The following ELP4 variants were observed in gnomAD, a reference collection of about 807,000 sequenced individuals.
The protein encoded by ELP4 is elongator acetyltransferase complex subunit 4.
ELP4 carries 51 observed loss-of-function variants against 48.9 expected under a neutral mutation model. The ratio of observed to expected loss-of-function variants is 1.04; its 90% CI spans 0.83 to 1.32. The LOEUF (loss-of-function observed/expected upper bound fraction) is 1.32, where lower values mean the gene tolerates loss of function less well. ELP4 is among the 40% of genes most tolerant of loss of function. ELP4 has a pLI of 0.00. For missense variants in ELP4, 519 were observed against 514.6 expected, an observed-to-expected ratio of 1.01 and a Z score of -0.08; for synonymous variants, 210 against 189.2, an observed-to-expected ratio of 1.11 and a Z score of -0.90.
At chr11:31,767,214 A>T (rs920408121) in intron 9 of ELP4, 4 of 152,196 alleles carry the variant, frequency 2.6e-5, no homozygotes, top group Admixed American at 6.5e-5. Flanking sequence ...GCCAAAAGGA[A>T]CATTCCCATT....
intron 9 of ELP4, among the ~76,000 whole-genome samples, chr11:31,679,072 A>G (rs1390381141): frequency 1.3e-5 from 2 of 152,056 alleles, no homozygotes; most frequent in Admixed American, 1.3e-4. Flanking sequence ...TTCTTTGGTG[A>G]GTTGTCTATG....
rs1948900896 is a variant in ELP4 at position 31,788,739 on chromosome 11, G to GATCT, written c.*5217_*5220dup. ...TATGTTGTGGGTATAAATGGGCACA[G>GATCT]ATCTACACCCTGCTGTAAGTGGAAT... On this transcript the variant is annotated 3_prime_UTR_variant, in exon 10 of 10. Transcript: ENST00000640961. 4.7e-6 allele frequency: 1 copy of GATCT among 212,282 alleles called. No individual in the cohort carries two copies. Among genetic ancestry groups the GATCT allele is most frequent in the South Asian group, 1.9e-4 (1 of 5,318 alleles). 13.1% of individuals were successfully genotyped at this position (212,282 alleles called of 1,614,324 possible).
At chr11:31,641,813 T>G (rs957971188) in intron 7 of ELP4, among the ~76,000 whole-genome samples, 3 of 151,894 alleles carry the variant, frequency 2.0e-5, no homozygotes, top group Non-Finnish European at 4.4e-5. Context: ...GGGATTATTC[T>G]AAGCTGATTT....
chr11:31,781,488 CTTTTTTTTTTTTTTTTT>C (rs141365629), intron 9 of ELP4, among the ~76,000 whole-genome samples: 4 of 67,436 alleles, frequency 5.9e-5, no homozygotes, highest in Non-Finnish European at 7.6e-5. Context: ...ATTCCTGAGC[CTTTTTTTTTTTTTTTTT>C]TTTTTTTTTT....
At chr11:31,559,597 A>G (rs775615640) in intron 3 of ELP4, among the ~76,000 whole-genome samples, 1 of 152,200 alleles carries the variant, frequency 6.6e-6, no homozygotes, top group Non-Finnish European at 1.5e-5. Context: ...TCAGTAATCA[A>G]AGAGTATAAA....
In ELP4 at chr11:31,682,695, C is replaced by T. The variant is rs567055182; in HGVS notation, c.1143+32474C>T. 1.1e-4 allele frequency among the ~76,000 whole-genome samples: 16 copies of T among 152,106 alleles called. No individual in the cohort carries two copies. In the South Asian group the frequency reaches 3.3e-3, roughly 32 times the overall value. On this transcript the variant is annotated intron_variant, in intron 9 of 9. Coordinates refer to ENST00000640961, the MANE Select transcript of ELP4 (RefSeq NM_019040.5). ...CTCCTACCCATAAAGAGCTCATAGT[C>T]TAGTAGAGAAAACTGACATATAAAC... is the stretch of plus-strand genomic sequence containing the variant.
chr11:31,588,721 G>A (rs749971179), intron 3 of ELP4, among the ~76,000 whole-genome samples: 7 of 152,122 alleles, frequency 4.6e-5, no homozygotes, highest in Admixed American at 6.5e-5. Flanking sequence ...AGTGGCTCAC[G>A]CCTATAATCC....
chr11:31,682,200 C>A, intron 9 of ELP4: 2 of 623,514 alleles, frequency 3.2e-6, no homozygotes. Flanking sequence ...GTACTTGATA[C>A]TGTACTTGAT....
intron 3 of ELP4, among the ~76,000 whole-genome samples, chr11:31,572,093 A>G (rs186212040): frequency 3.3e-4 from 50 of 152,326 alleles, no homozygotes; most frequent in Admixed American, 1.6e-3. Flanking sequence ...CCTAGACAAT[A>G]TCTTCTTCCA....
chr11:31,679,513 T>G (rs1305444723), intron 9 of ELP4, among the ~76,000 whole-genome samples: 1 of 152,206 alleles, frequency 6.6e-6, no homozygotes, highest in Non-Finnish European at 1.5e-5. Context: ...GTTTTCCCTC[T>G]GTGCTTGCAC....
At chr11:31,579,202 C>T (rs182587645) in intron 3 of ELP4, among the ~76,000 whole-genome samples, 2 of 152,278 alleles carry the variant, frequency 1.3e-5, no homozygotes, top group African/African-American at 4.8e-5. Context: ...CATCACTGGC[C>T]ATCAGAGAAA....
At chr11:31,698,497 A>G (rs112157620) in intron 9 of ELP4, among the ~76,000 whole-genome samples, 58 of 152,010 alleles carry the variant, frequency 3.8e-4, no homozygotes, top group African/African-American at 1.3e-3. Context: ...ACTGCAACCT[A>G]CATCTCCTGG....
chr11:31,720,713 G>A (rs1398081251), intron 9 of ELP4, among the ~76,000 whole-genome samples: 1 of 152,154 alleles, frequency 6.6e-6, no homozygotes, highest in Non-Finnish European at 1.5e-5. Flanking sequence ...CCACCAGTGA[G>A]TGGTACTAAG....
intron 9 of ELP4, chr11:31,682,133 A>G (rs537840340): frequency 1.7e-6 from 2 of 1,180,144 alleles, no homozygotes; most frequent in East Asian, 8.0e-5. Context: ...CCATCCAACT[A>G]TGCAACAGTT....
At chr11:31,553,377 A>G (rs1251703853) in intron 3 of ELP4, among the ~76,000 whole-genome samples, 1 of 152,072 alleles carries the variant, frequency 6.6e-6, no homozygotes, top group Non-Finnish European at 1.5e-5. Flanking sequence ...GCCCTCCCTA[A>G]TTTGGGTGGG....
At chr11:31,711,236 G>A (rs903083648) in intron 9 of ELP4, among the ~76,000 whole-genome samples, 2 of 152,160 alleles carry the variant, frequency 1.3e-5, no homozygotes, top group African/African-American at 4.8e-5. Flanking sequence ...AAACTTATCT[G>A]GGACACTTTT....
At chr11:31,526,661 C>T (rs968884879) in intron 2 of ELP4, among the ~76,000 whole-genome samples, 3 of 151,954 alleles carry the variant, frequency 2.0e-5, no homozygotes, top group Non-Finnish European at 4.4e-5. Context: ...CAAAACTTAC[C>T]TCTATTCACA....
intron 5 of ELP4, among the ~76,000 whole-genome samples, chr11:31,613,633 G>A (rs1169077647): frequency 6.6e-6 from 1 of 151,692 alleles, no homozygotes; most frequent in Non-Finnish European, 1.5e-5. Flanking sequence ...ATTTGCCTCT[G>A]GGTGGTGGAT....
intron 9 of ELP4, among the ~76,000 whole-genome samples, chr11:31,674,140 T>G (rs1477602614): frequency 6.6e-6 from 1 of 152,160 alleles, no homozygotes; most frequent in African/African-American, 2.4e-5. Flanking sequence ...ATTTGAGAAA[T>G]TAGGATCATT....
Sources: allele counts gnomAD v4.1 joint callset (sites outside exome capture counted in the v4.1 genomes callset), GRCh38; gene constraint gnomAD v4.1.1; transcripts MANE v1.5; gene names NCBI Gene and HGNC (gene_info 2026-07-23, HGNC 2026-07-21).